FBXL17: variants seen among roughly 807,000 people sequenced by gnomAD.
FBXL17 encodes F-box and leucine rich repeat protein 17, also known as F-box/LRR-repeat protein 17.
FBXL17 carries 22 observed loss-of-function variants against 66.2 expected under a neutral mutation model. That is an observed-to-expected ratio of 0.33 (90% CI 0.24 to 0.47). The LOEUF is 0.47. FBXL17 is among the 20% of genes least tolerant of loss of function. FBXL17 has a pLI of 1.00. For missense variants in FBXL17, 878 were observed against 948.2 expected, an observed-to-expected ratio of 0.93 and a Z score of 0.97; for synonymous variants, 474 against 400.5, an observed-to-expected ratio of 1.18 and a Z score of -2.19.
At chr5:108,299,644 A>T in intron 4 of FBXL17, 1 of 975,134 alleles carries the variant, frequency 1.0e-6, no homozygotes, top group Non-Finnish European at 1.2e-6. Context: ...AAAATAATAA[A>T]AATTAAAATT....
chr5:108,055,533 C>T (rs962955006), intron 6 of FBXL17, among the ~76,000 whole-genome samples: 15 of 137,578 alleles, frequency 1.1e-4, no homozygotes, highest in African/African-American at 3.5e-4. Flanking sequence ...GGCGTGAACC[C>T]GGGAGGTGGA....
At chr5:108,016,782 C>CT (rs372887324) in intron 7 of FBXL17, among the ~76,000 whole-genome samples, 89 of 146,490 alleles carry the variant, frequency 6.1e-4, no homozygotes, top group Admixed American at 1.4e-3. Context: ...TTCTTTCTTT[C>CT]TTTCTTTTTT....
chr5:107,980,748 C>A lies in FBXL17; in HGVS notation c.1822+40177G>T, dbSNP rs374861446. Among the ~76,000 whole-genome samples the A allele has an allele frequency of 8.8e-4, 126 of 143,112 alleles. 1 individual carries two copies. In the South Asian group the frequency reaches 0.028, roughly 32 times the overall value. 93.9% of individuals were successfully genotyped at this position (143,112 alleles called of 152,430 possible). A position where few individuals can be genotyped will look rare whatever the true frequency, so the allele number is the denominator to read the frequency against. On this transcript the variant is annotated intron_variant, in intron 7 of 8. Transcript: ENST00000542267. Reference sequence around the variant, plus strand: ...CTCGGCTCACTGTCAGCTCCGCCTCCCGGGTTCATGCCATTCTCCTGCCTC... The same window carrying A: ...CTCGGCTCACTGTCAGCTCCGCCTCACGGGTTCATGCCATTCTCCTGCCTC...
intron 4 of FBXL17, among the ~76,000 whole-genome samples, chr5:108,280,927 G>A (rs1045466682): frequency 1.3e-5 from 2 of 151,602 alleles, no homozygotes; most frequent in Non-Finnish European, 2.9e-5. Flanking sequence ...GAAAGAGAGA[G>A]GGGGGATATA....
At chr5:108,021,564 G>T (rs1754603390) in intron 6 of FBXL17, among the ~76,000 whole-genome samples, 1 of 151,262 alleles carries the variant, frequency 6.6e-6, no homozygotes, top group African/African-American at 2.4e-5. Flanking sequence ...TCTTAATATT[G>T]TAAGTAATTT....
intron 5 of FBXL17, among the ~76,000 whole-genome samples, chr5:108,196,176 G>A (rs1753673725): frequency 6.6e-6 from 1 of 151,488 alleles, no homozygotes; most frequent in African/African-American, 2.4e-5. Flanking sequence ...ACATCTCACA[G>A]TAATAAAATA....
chr5:108,364,753 A>G lies in FBXL17; in HGVS notation c.1359T>C (p.Asp453=). ...VHVGNQDKLT[D]EGLKQLGSKC... is the part of the protein sequence containing the mutation. ...TAAAATTTACCTGCTTGAGTCCTTCATCAGTGAGTTTGTCCTGGTTGCCTA... is the reference window on the plus strand; with the variant it reads ...TAAAATTTACCTGCTTGAGTCCTTCGTCAGTGAGTTTGTCCTGGTTGCCTA... Residue 453 remains aspartate (D), a synonymous_variant, in exon 3 of 9, where the codon GAT becomes GAC. Transcript: ENST00000542267. 1 of 1,609,992 alleles carries G rather than the reference A, an allele frequency of 6.2e-7. No homozygotes were observed. Among genetic ancestry groups the G allele is most frequent in the Non-Finnish European group, 8.5e-7 (1 of 1,177,338 alleles).
chr5:108,032,879 T>G (rs1438565905), intron 6 of FBXL17, among the ~76,000 whole-genome samples: 1 of 152,130 alleles, frequency 6.6e-6, no homozygotes, highest in Non-Finnish European at 1.5e-5. Flanking sequence ...ACCAAGGAAT[T>G]TGATTTATAA....
chr5:108,033,326 T>C (rs879828879), intron 6 of FBXL17, among the ~76,000 whole-genome samples: 1 of 152,204 alleles, frequency 6.6e-6, no homozygotes, highest in Non-Finnish European at 1.5e-5. Flanking sequence ...AAACTACAGA[T>C]GAATGTTTGT....
intron 6 of FBXL17, among the ~76,000 whole-genome samples, chr5:108,137,405 G>A (rs1751179366): frequency 6.6e-6 from 1 of 152,006 alleles, no homozygotes; most frequent in African/African-American, 2.4e-5. Context: ...TCTACGTCAT[G>A]GCATGTTGCT....
chr5:108,221,770 T>C (rs113619200), intron 5 of FBXL17, among the ~76,000 whole-genome samples: 1,978 of 152,276 alleles, frequency 0.013, 35 homozygotes, highest in African/African-American at 0.043. Context: ...GCAAATATCA[T>C]AAAATAAAAA....
chr5:107,952,727 G>A (rs185489259), intron 7 of FBXL17, among the ~76,000 whole-genome samples: 58 of 152,232 alleles, frequency 3.8e-4, no homozygotes, highest in Non-Finnish European at 5.3e-4. Flanking sequence ...CTATTCAAAC[G>A]GCATAAATGG....
chr5:108,079,244 A>G (rs1482735560), intron 6 of FBXL17, among the ~76,000 whole-genome samples: 4 of 151,156 alleles, frequency 2.6e-5, no homozygotes, highest in African/African-American at 7.3e-5. Context: ...ATAAATGCTT[A>G]TTAGAAAGCT....
At chr5:108,323,411 T>A (rs1055930174) in intron 4 of FBXL17, among the ~76,000 whole-genome samples, 1 of 151,920 alleles carries the variant, frequency 6.6e-6, no homozygotes, top group African/African-American at 2.4e-5. Flanking sequence ...AAAAGACTTA[T>A]ACACTGAAAA....
chr5:108,164,199 TA>T (rs1287926110), intron 6 of FBXL17, among the ~76,000 whole-genome samples: 2 of 152,168 alleles, frequency 1.3e-5, no homozygotes, highest in Admixed American at 6.5e-5. Flanking sequence ...AGCACATAAT[TA>T]ATTTATTATC....
At chr5:108,077,662 C>CA (rs5870293) in intron 6 of FBXL17, among the ~76,000 whole-genome samples, 1,607 of 133,984 alleles carry the variant, frequency 0.012, 26 homozygotes, top group African/African-American at 0.032. Flanking sequence ...GATCCTATCT[C>CA]AAAAAAAAAA....
intron 6 of FBXL17, among the ~76,000 whole-genome samples, chr5:108,075,149 T>C (rs1748493616): frequency 6.6e-6 from 1 of 152,200 alleles, no homozygotes; most frequent in South Asian, 2.1e-4. Flanking sequence ...GCAAATACTT[T>C]GTTGGCTCTG....
chr5:108,231,507 G>T (rs1276086420), intron 4 of FBXL17, among the ~76,000 whole-genome samples: 1 of 152,130 alleles, frequency 6.6e-6, no homozygotes, highest in Non-Finnish European at 1.5e-5. Flanking sequence ...AGTTGTGGAA[G>T]TGGCACCACT....
At chr5:107,924,278 A>T (rs1165707854) in intron 7 of FBXL17, among the ~76,000 whole-genome samples, 1 of 152,100 alleles carries the variant, frequency 6.6e-6, no homozygotes, top group Non-Finnish European at 1.5e-5. Context: ...TACATAAAAG[A>T]TCACTTTATT....
Sources: allele counts gnomAD v4.1 joint callset (sites outside exome capture counted in the v4.1 genomes callset), GRCh38; gene constraint gnomAD v4.1.1; transcripts MANE v1.5; gene names NCBI Gene and HGNC (gene_info 2026-07-23, HGNC 2026-07-21).